The following RIC1 variants were observed in gnomAD, a reference collection of about 807,000 sequenced individuals.
RIC1 encodes the protein RIC1 partner of RAB6A GEF complex.
In RIC1, 88 loss-of-function variants were observed where a neutral mutation model predicts 169.0. The ratio of observed to expected loss-of-function variants is 0.52; its 90% confidence interval spans 0.44 to 0.62. The LOEUF is 0.62. Ranked by LOEUF, RIC1 falls within the 20% of genes least tolerant of loss-of-function variation. RIC1 has a pLI of 0.00. For missense variants in RIC1, 1,877 were observed against 1,725.5 expected, an observed-to-expected ratio of 1.09 and a Z score of -1.56; for synonymous variants, 790 against 601.5, an observed-to-expected ratio of 1.31 and a Z score of -4.59.
intron 4 of RIC1, among the ~76,000 whole-genome samples, chr9:5,718,427 G>C (rs960643811): frequency 6.6e-6 from 1 of 152,106 alleles, no homozygotes; most frequent in Middle Eastern, 3.4e-3. Flanking sequence ...AGAGGGAAGG[G>C]GTCTTCCCTG....
At chr9:5,644,414 G>T (rs563189113) in intron 1 of RIC1, among the ~76,000 whole-genome samples, 7 of 152,254 alleles carry the variant, frequency 4.6e-5, no homozygotes, top group Non-Finnish European at 8.8e-5. Flanking sequence ...TAAACTAAGG[G>T]ATACAAGTGC....
chr9:5,726,422 C>A (rs1823990021), intron 6 of RIC1, among the ~76,000 whole-genome samples: 1 of 152,150 alleles, frequency 6.6e-6, no homozygotes, highest in Non-Finnish European at 1.5e-5. Context: ...CTTCCTCCAT[C>A]CCTTTATTTT....
At chr9:5,727,111 G>A (rs200977700) in intron 6 of RIC1, among the ~76,000 whole-genome samples, 2 of 152,142 alleles carry the variant, frequency 1.3e-5, no homozygotes, top group African/African-American at 2.4e-5. Flanking sequence ...GCCTTGCTAG[G>A]TTGGGGAAGT....
At chr9:5,668,167 C>T (rs958239953) in intron 2 of RIC1, among the ~76,000 whole-genome samples, 4 of 152,132 alleles carry the variant, frequency 2.6e-5, no homozygotes, top group Admixed American at 6.5e-5. Flanking sequence ...AGAACTCACT[C>T]ATTATCACGA....
chr9:5,713,205 G>C (rs1458775317), intron 3 of RIC1: 4 of 152,170 alleles, frequency 2.6e-5, no homozygotes, highest in Non-Finnish European at 5.9e-5. Flanking sequence ...TTAAATTCCA[G>C]CACAGGCACT....
chr9:5,656,920 G>A (rs1819135823), intron 2 of RIC1, among the ~76,000 whole-genome samples: 2 of 151,980 alleles, frequency 1.3e-5, no homozygotes, highest in Admixed American at 6.6e-5. Flanking sequence ...CATAGCACCT[G>A]TATCCTTTTC....
intron 1 of RIC1, among the ~76,000 whole-genome samples, chr9:5,647,659 G>C (rs951841632): frequency 2.0e-5 from 3 of 152,092 alleles, no homozygotes; most frequent in African/African-American, 7.2e-5. Flanking sequence ...GGAATCTTTA[G>C]AGTCTTTACA....
intron 3 of RIC1, among the ~76,000 whole-genome samples, chr9:5,705,576 T>G (rs1822535521): frequency 6.6e-6 from 1 of 152,176 alleles, no homozygotes; most frequent in African/African-American, 2.4e-5. Context: ...TATTATGACA[T>G]CTTTGAATAA....
At chr9:5,658,825 G>A (rs373861460) in intron 2 of RIC1, among the ~76,000 whole-genome samples, 1 of 138,286 alleles carries the variant, frequency 7.2e-6, no homozygotes, top group African/African-American at 2.6e-5. Context: ...AAGTTTTTTT[G>A]TTTTTTTTTT....
chr9:5,651,563 T>C (rs542127078), intron 1 of RIC1, among the ~76,000 whole-genome samples: 1 of 147,248 alleles, frequency 6.8e-6, no homozygotes, highest in African/African-American at 2.5e-5. Context: ...TTAATCTTTT[T>C]TTTTTTTTTT....
chr9:5,638,131 G>C (rs760634342), intron 1 of RIC1, among the ~76,000 whole-genome samples: 1 of 152,076 alleles, frequency 6.6e-6, no homozygotes, highest in Non-Finnish European at 1.5e-5. Flanking sequence ...TCATTCTGTT[G>C]ATATGATGTA....
chr9:5,707,277 A>C (rs534991350), intron 3 of RIC1, among the ~76,000 whole-genome samples: 1 of 152,258 alleles, frequency 6.6e-6, no homozygotes, highest in African/African-American at 2.4e-5. Flanking sequence ...AAAATTTATT[A>C]AGACTTTTTT....
chr9:5,686,088 C>T (rs1043889598), intron 2 of RIC1, among the ~76,000 whole-genome samples: 3 of 151,596 alleles, frequency 2.0e-5, no homozygotes, highest in African/African-American at 7.3e-5. Flanking sequence ...TATCATCTCA[C>T]ACCAGTTAGA....
At chr9:5,671,820 C>G (rs1820123980) in intron 2 of RIC1, among the ~76,000 whole-genome samples, 2 of 152,042 alleles carry the variant, frequency 1.3e-5, no homozygotes, top group African/African-American at 2.4e-5. Context: ...GCTGAAGGAC[C>G]AGGCAGAGGG....
At chr9:5,652,604 A>G (rs1336279111) in intron 1 of RIC1, among the ~76,000 whole-genome samples, 1 of 151,974 alleles carries the variant, frequency 6.6e-6, no homozygotes, top group Non-Finnish European at 1.5e-5. Flanking sequence ...TTTTGGTGGC[A>G]TCTTTAGGGT....
rs778238076 is a variant in RIC1 at position 5,765,778 on chromosome 9, A to G, written c.3117A>G (p.Pro1039=). The part of the protein sequence containing the change: ...KFSLQKTLSM[P]SGPSGKRWSK... Reference sequence around the variant, plus strand: ...GTTTACAGAAAACACTAAGTATGCCATCTGGTCCCTCTGGAAAAAGGTAAA... The same window carrying G: ...GTTTACAGAAAACACTAAGTATGCCGTCTGGTCCCTCTGGAAAAAGGTAAA... The change falls in exon 21 of 26, where the codon CCA becomes CCG. Residue 1039 remains proline, a synonymous_variant. Coordinates refer to ENST00000414202, the MANE Select transcript of RIC1 (RefSeq NM_020829.4). 3.1e-6 allele frequency: 5 copies of G among 1,614,188 alleles called. No homozygotes were observed. The Admixed American group carries it at 6.7e-5, about 22-fold the overall frequency.
In RIC1 at chr9:5,738,556, T is replaced by TTG; in HGVS notation, c.901+19_901+20insGT. The TTG allele has an allele frequency of 6.7e-7, 1 of 1,491,996 alleles. No homozygotes were observed. Among genetic ancestry groups the TTG allele is most frequent in the Non-Finnish European group, 9.0e-7 (1 of 1,108,624 alleles). The allele number at this position is 1,491,996 out of a possible 1,614,324, so 92.4% of individuals were successfully genotyped here. ...GTATCCTGGTGAGTCTTTTTTTTTT[T>TTG]TTTTTTTTTTAACATTTTTAATGTA... On this transcript the variant is annotated intron_variant, in intron 8 of 25. Transcript: ENST00000414202.
intron 2 of RIC1, among the ~76,000 whole-genome samples, chr9:5,673,328 A>C (rs1170956917): frequency 6.6e-6 from 1 of 151,946 alleles, no homozygotes; most frequent in Non-Finnish European, 1.5e-5. Context: ...AACAAATGGA[A>C]ATTAAAATAA....
chr9:5,690,914 T>C (rs1821556020), intron 3 of RIC1, among the ~76,000 whole-genome samples: 1 of 151,892 alleles, frequency 6.6e-6, no homozygotes, highest in South Asian at 2.1e-4. Flanking sequence ...AGAAAGTATT[T>C]AGACCCAGTA....
Sources: gnomAD v4.1 joint callset for allele counts (sites outside exome capture counted in the v4.1 genomes callset) on GRCh38, gnomAD v4.1.1 for gene constraint, MANE v1.5 for transcripts, NCBI Gene and HGNC (gene_info 2026-07-23, HGNC 2026-07-21) for gene names.